Variants in FRMD3 observed in about 807,000 individuals in gnomAD.
The protein encoded by FRMD3 is FERM domain containing 3.
Under a neutral mutation model 70.2 loss-of-function variants are expected in FRMD3, and 33 were observed. The observed-to-expected ratio is 0.47, with a 90% CI of 0.36 to 0.63. The LOEUF (loss-of-function observed/expected upper bound fraction) is 0.63. Among genes scored for constraint, FRMD3 ranks in the 20% least tolerant of loss-of-function variants. FRMD3 has a pLI of 0.00. For missense variants in FRMD3, 632 were observed against 711.4 expected (o/e 0.89, Z 1.27); for synonymous variants, 279 against 255.9 (o/e 1.09, Z -0.86).
At chr9:83,469,686 GA>G (rs534671820) in intron 1 of FRMD3, among the ~76,000 whole-genome samples, 33 of 146,076 alleles carry the variant, frequency 2.3e-4, no homozygotes, top group Admixed American at 4.1e-4. Flanking sequence ...GAGACAAAGA[GA>G]AAAAAAAAAC....
At chr9:83,377,947 T>A (rs554197680) in intron 2 of FRMD3, among the ~76,000 whole-genome samples, 1 of 152,274 alleles carries the variant, frequency 6.6e-6, no homozygotes, top group South Asian at 2.1e-4. Context: ...TCATACATGA[T>A]AGGCAGATAT....
chr9:83,311,791 G>T, intron 8 of FRMD3, 96 bp downstream of exon 8: 1 of 837,708 alleles, frequency 1.2e-6, no homozygotes, highest in Non-Finnish European at 2.0e-6. Flanking sequence ...ATGGATACCA[G>T]GCATTCTACC....
Position 83,311,977 on chromosome 9 carries a change from T to TTA in FRMD3, c.685-3_685-2insTA. 2.0e-6 allele frequency: 3 copies of TTA among 1,504,778 alleles called. No homozygotes were observed. The highest frequency in any genetic ancestry group is 2.7e-6 in the Non-Finnish European group (3 of 1,132,034). The allele number at this position is 1,504,778 out of a possible 1,614,324, so 93.2% of individuals were successfully genotyped here. On this transcript the variant is annotated splice_region_variant and splice_polypyrimidine_tract_variant and intron_variant, in intron 7 of 13. Coordinates refer to ENST00000304195, the MANE Select transcript of FRMD3 (RefSeq NM_174938.6). ...AAATGTTGTTGTGCCTGTTGAATCC[T>TTA]GAAAAAAAAAAAAAAGAAAAAAGAA... is the stretch of plus-strand genomic sequence containing the variant.
At chr9:83,436,822 A>C (rs1827150577) in intron 1 of FRMD3, among the ~76,000 whole-genome samples, 2 of 151,758 alleles carry the variant, frequency 1.3e-5, no homozygotes, top group Non-Finnish European at 2.9e-5. Flanking sequence ...AGACAGGAAA[A>C]GAATACCAAT....
At chr9:83,532,685 C>T (rs949931107) in intron 1 of FRMD3, among the ~76,000 whole-genome samples, 2 of 152,112 alleles carry the variant, frequency 1.3e-5, no homozygotes, top group African/African-American at 4.8e-5. Context: ...AAGCCACCTC[C>T]CATTATAGAG....
In FRMD3 at chr9:83,537,870, C is replaced by A. The variant is rs942058978; in HGVS notation, c.147+215G>T. Among the ~76,000 whole-genome samples, 1 of 151,774 alleles carries A rather than the reference C, an allele frequency of 6.6e-6. No individual in the cohort carries two copies. On this transcript the variant is annotated intron_variant, in intron 1 of 13. Transcript: ENST00000304195. This position sits in a 1 kb window ranked among gnomAD's most constrained non-coding sequence, Gnocchi z 4.1. ...CACGCGAGGGGAAGGAGACTGGGCG[C>A]GGATAACGCGTGCCTGGCGCTTGCA... is the stretch of plus-strand genomic sequence containing the variant.
intron 1 of FRMD3, among the ~76,000 whole-genome samples, chr9:83,475,877 A>G (rs1194682061): frequency 6.6e-6 from 1 of 152,220 alleles, no homozygotes; most frequent in Non-Finnish European, 1.5e-5. Context: ...TAAAATATCT[A>G]GCAAGAATAC....
Position 83,245,761 on chromosome 9 carries a change from T to C in FRMD3, c.*2157A>G. The C allele has an allele frequency of 2.0e-6, 2 of 984,744 alleles. No homozygotes were observed. The highest frequency in any genetic ancestry group is 1.7e-5 in the African/African-American group (1 of 57,328). The allele number at this position is 984,744 out of a possible 1,614,324, so 61.0% of individuals were successfully genotyped here. ...ACGCATGATCAGAAGGGGACTAATT[T>C]TGTGCAGACTACACTAAAGTTGCCT... On this transcript the variant is annotated 3_prime_UTR_variant, in exon 14 of 14. Coordinates refer to ENST00000304195, the MANE Select transcript of FRMD3 (RefSeq NM_174938.6).
the FRMD3 span, among the ~76,000 whole-genome samples, chr9:83,572,176 TGC>T: frequency 6.6e-6 from 1 of 150,840 alleles, no homozygotes; most frequent in East Asian, 2.0e-4. Context: ...TGTGTGTGCA[TGC>T]GCATGTGTGT....
At chr9:83,334,179 T>C (rs560910201) in intron 6 of FRMD3, among the ~76,000 whole-genome samples, 4 of 152,292 alleles carry the variant, frequency 2.6e-5, no homozygotes, top group South Asian at 4.2e-4. Flanking sequence ...ACTTTATTTC[T>C]ACCTCTAGTA....
At position 83,324,916 on chromosome 9, in the gene FRMD3, T is replaced by A. The variant is rs140170792; in HGVS notation, c.596+10600A>T. 2.8e-3 allele frequency among the ~76,000 whole-genome samples: 434 copies of A among 152,312 alleles called. 2 individuals carry two copies. Among genetic ancestry groups the A allele is most frequent in the African/African-American group, 0.01 (418 of 41,576 alleles). ...GTGCTTGTCAGGGCTGGTACCAACATCATCACCAATATCTTATGGTCAAGA... is the reference window on the plus strand; with the variant it reads ...GTGCTTGTCAGGGCTGGTACCAACAACATCACCAATATCTTATGGTCAAGA... On this transcript the variant is annotated intron_variant, in intron 6 of 13. Transcript: ENST00000304195.
intron 1 of FRMD3, among the ~76,000 whole-genome samples, chr9:83,463,281 T>G (rs1363635986): frequency 2.0e-5 from 3 of 152,222 alleles, no homozygotes; most frequent in Non-Finnish European, 4.4e-5. Context: ...TAATAATGAT[T>G]GTATTAGTCT....
intron 1 of FRMD3, among the ~76,000 whole-genome samples, chr9:83,493,000 G>A (rs910369971): frequency 7.2e-5 from 11 of 152,124 alleles, no homozygotes; most frequent in Non-Finnish European, 1.3e-4. Flanking sequence ...CACTCTTGCA[G>A]ATGCCTCCAG....
the FRMD3 span, among the ~76,000 whole-genome samples, chr9:83,558,017 G>C: frequency 6.6e-6 from 1 of 152,190 alleles, no homozygotes; most frequent in African/African-American, 2.4e-5. Flanking sequence ...TCAGTTTTCA[G>C]TGAAGCATGA....
chr9:83,251,439 A>C (rs1347307815), intron 13 of FRMD3, among the ~76,000 whole-genome samples: 1 of 152,212 alleles, frequency 6.6e-6, no homozygotes, highest in Non-Finnish European at 1.5e-5. Context: ...TGAAAACTGA[A>C]AAAACCATAA....
chr9:83,485,180 G>A (rs577162786), intron 1 of FRMD3, among the ~76,000 whole-genome samples: 7 of 152,180 alleles, frequency 4.6e-5, no homozygotes, highest in South Asian at 2.1e-4. Flanking sequence ...CCTGAGTTAC[G>A]CTCATTTCAT....
chr9:83,280,208 A>G (rs890049522), intron 13 of FRMD3, among the ~76,000 whole-genome samples: 2 of 152,202 alleles, frequency 1.3e-5, no homozygotes, highest in Admixed American at 6.5e-5. Context: ...CGTGCCAGAT[A>G]AGAAGTAAAT....
At chr9:83,519,577 A>T (rs997700011) in intron 1 of FRMD3, among the ~76,000 whole-genome samples, 2 of 152,238 alleles carry the variant, frequency 1.3e-5, no homozygotes, top group Admixed American at 1.3e-4. Context: ...TGTGGAAGAC[A>T]GTGTGATGAT....
intron 13 of FRMD3, among the ~76,000 whole-genome samples, chr9:83,284,522 G>A (rs1313630893): frequency 6.6e-6 from 1 of 152,108 alleles, no homozygotes; most frequent in Non-Finnish European, 1.5e-5. Context: ...GCAGGAGAAT[G>A]GCTTGAACCC....
Sources: allele counts gnomAD v4.1 joint callset (sites outside exome capture counted in the v4.1 genomes callset), GRCh38; gene constraint gnomAD v4.1.1; non-coding constraint Gnocchi (gnomAD v3.1); transcripts MANE v1.5; gene names NCBI Gene and HGNC (gene_info 2026-07-23, HGNC 2026-07-21).